Variants in SSX2IP observed in about 807,000 individuals in gnomAD.
SSX2IP encodes the protein SSX family member 2 interacting protein.
SSX2IP carries 55 observed loss-of-function variants against 84.9 expected under a neutral mutation model. That is an observed-to-expected ratio of 0.65 (90% CI 0.52 to 0.81). The LOEUF is 0.81. Ranked by LOEUF, SSX2IP falls within the 30% of genes least tolerant of loss-of-function variation. The pLI is 0.00. For missense variants in SSX2IP, 664 were observed against 705.2 expected, an observed-to-expected ratio of 0.94 and a Z score of 0.66; for synonymous variants, 239 against 234.7, an observed-to-expected ratio of 1.02 and a Z score of -0.17.
intron 3 of SSX2IP, 132 bp downstream of exon 3, chr1:84,670,514 C>T (rs757438605): frequency 1.7e-6 from 1 of 572,906 alleles, no homozygotes; most frequent in Non-Finnish European, 2.8e-6. Flanking sequence ...CACCAAGGTT[C>T]TCTGAAAATC....
intron 1 of SSX2IP, among the ~76,000 whole-genome samples, chr1:84,680,696 G>A (rs1291648441): frequency 6.6e-6 from 1 of 151,910 alleles, no homozygotes; most frequent in Admixed American, 6.6e-5. Flanking sequence ...CATAAATTCT[G>A]CTCTATAAAC....
intron 8 of SSX2IP, among the ~76,000 whole-genome samples, chr1:84,661,044 C>G (rs991144953): frequency 7.7e-6 from 1 of 129,862 alleles, no homozygotes; most frequent in Admixed American, 8.8e-5. Flanking sequence ...TCCAGCCTGG[C>G]AACAGAGCAA....
intron 1 of SSX2IP, among the ~76,000 whole-genome samples, chr1:84,674,891 G>A (rs965646465): frequency 3.9e-5 from 6 of 152,076 alleles, no homozygotes; most frequent in Non-Finnish European, 5.9e-5. Context: ...AAAGTTACCC[G>A]ACCAGTTTTT....
At chr1:84,671,338 T>A in intron 1 of SSX2IP, 30 bp from the exon 2 acceptor site, 1 of 1,455,496 alleles carries the variant, frequency 6.9e-7, no homozygotes, top group Non-Finnish European at 9.1e-7. Context: ...AATAATAGCA[T>A]CTAATTTAAA....
intron 13 of SSX2IP, 50 bp from the exon 14 acceptor site, chr1:84,647,657 G>A (rs770064741): frequency 7.5e-7 from 1 of 1,329,286 alleles, no homozygotes; most frequent in South Asian, 1.8e-5. Context: ...TCCTTCTTTT[G>A]TACTTTAACC....
intron 1 of SSX2IP, among the ~76,000 whole-genome samples, chr1:84,679,113 CAT>C (rs1654745643): frequency 6.6e-6 from 1 of 152,066 alleles, no homozygotes; most frequent in African/African-American, 2.4e-5. Context: ...AGTCACTTAA[CAT>C]TAGTCCTATT....
At chr1:84,685,841 T>C (rs767932704) in intron 1 of SSX2IP, among the ~76,000 whole-genome samples, 1 of 151,676 alleles carries the variant, frequency 6.6e-6, no homozygotes, top group African/African-American at 2.4e-5. Context: ...GGCTATAGAA[T>C]AGAAAATAAA....
intron 2 of SSX2IP, among the ~76,000 whole-genome samples, 181 bp from the exon 3 acceptor site, chr1:84,670,996 T>A (rs930684382): frequency 5.9e-5 from 9 of 152,126 alleles, no homozygotes; most frequent in African/African-American, 1.7e-4. Context: ...ATGATATACT[T>A]TTTTTTCCAA....
intron 8 of SSX2IP, among the ~76,000 whole-genome samples, chr1:84,658,671 T>A (rs1651481899): frequency 6.6e-6 from 1 of 152,228 alleles, no homozygotes; most frequent in South Asian, 2.1e-4. Flanking sequence ...TAAACCTGAA[T>A]TTGAATCCAA....
At chr1:84,688,008 T>C (rs1656031660) in intron 1 of SSX2IP, among the ~76,000 whole-genome samples, 1 of 152,244 alleles carries the variant, frequency 6.6e-6, no homozygotes, top group African/African-American at 2.4e-5. Flanking sequence ...CTCACTATGC[T>C]GATAATTTCT....
At chr1:84,677,498 C>T (rs1302665564) in intron 1 of SSX2IP, among the ~76,000 whole-genome samples, 1 of 152,100 alleles carries the variant, frequency 6.6e-6, no homozygotes, top group Non-Finnish European at 1.5e-5. Flanking sequence ...GGATGGCTCT[C>T]AGTTATTTCT....
intron 9 of SSX2IP, among the ~76,000 whole-genome samples, chr1:84,657,021 G>A (rs1378618177): frequency 6.6e-6 from 1 of 152,150 alleles, no homozygotes; most frequent in East Asian, 1.9e-4. Context: ...ATCTCATGTA[G>A]ATTCATTTTG....
At chr1:84,667,151 G>A (rs1046554479) in intron 4 of SSX2IP, among the ~76,000 whole-genome samples, 3 of 151,968 alleles carry the variant, frequency 2.0e-5, no homozygotes, top group African/African-American at 4.8e-5. Context: ...TAGCATATAT[G>A]TCAAATCAGA....
chr1:84,681,582 T>C (rs1230430933), intron 1 of SSX2IP, among the ~76,000 whole-genome samples: 1 of 151,184 alleles, frequency 6.6e-6, no homozygotes, highest in Non-Finnish European at 1.5e-5. Context: ...TTCCATAGCA[T>C]ATCTTTATAT....
rs936520365 is a variant in SSX2IP at position 84,664,483 on chromosome 1, G to A, written c.607C>T (p.Arg203Cys). ...QYNHDMKRKEREYNKLKERLH... is the reference protein window; with the variant it reads ...QYNHDMKRKECEYNKLKERLH... ...CGTTCCTTCAGTTTATTATATTCAC[G>A]CTCTTTTCTCTTCATATCATGATTA... Residue 203 changes from arginine to cysteine, a missense_variant, in exon 6 of 14, where the codon CGT becomes TGT. By Grantham distance (180) the Arg-to-Cys change is radical. Coordinates refer to ENST00000342203, the MANE Select transcript of SSX2IP (RefSeq NM_001166293.2). The A allele has an allele frequency of 6.9e-6, 11 of 1,599,710 alleles. No individual in the cohort carries two copies. Among genetic ancestry groups the A allele is most frequent in the Middle Eastern group, 1.7e-4 (1 of 6,008 alleles).
At chr1:84,652,414 C>A (rs891021902) in intron 11 of SSX2IP, 1 of 101,998 alleles carries the variant, frequency 9.8e-6, no homozygotes, top group African/African-American at 4.0e-5. Flanking sequence ...CACGGCAAGA[C>A]CGTATCTCCA....
intron 1 of SSX2IP, among the ~76,000 whole-genome samples, chr1:84,689,720 G>A (rs1656314514): frequency 6.6e-6 from 1 of 152,210 alleles, no homozygotes; most frequent in Admixed American, 6.5e-5. Context: ...TGTGCAGGGA[G>A]CTCACAATTC....
chr1:84,672,636 G>A (rs1394891219), intron 1 of SSX2IP, among the ~76,000 whole-genome samples: 1 of 152,192 alleles, frequency 6.6e-6, no homozygotes, highest in African/African-American at 2.4e-5. Context: ...CAAATAAAAT[G>A]TGTCTTTAGG....
chr1:84,665,883 G>A lies in SSX2IP; in HGVS notation c.537+239C>T, dbSNP rs553355363. Among the ~76,000 whole-genome samples, 32 of 152,278 alleles carry A rather than the reference G, an allele frequency of 2.1e-4. No individual in the cohort carries two copies. In the East Asian group the frequency reaches 6.0e-3, roughly 28 times the overall value. ...GGAAGGGCAGTCCAGGACACTGGCT[G>A]TTACCAGCTATGAACTAATATCTAA... On this transcript the variant is annotated intron_variant, in intron 5 of 13. Coordinates refer to ENST00000342203, the MANE Select transcript of SSX2IP (RefSeq NM_001166293.2).
Sources: allele counts gnomAD v4.1 joint callset (sites outside exome capture counted in the v4.1 genomes callset), GRCh38; gene constraint gnomAD v4.1.1; transcripts MANE v1.5; gene names NCBI Gene and HGNC (gene_info 2026-07-23, HGNC 2026-07-21).